The following ADAMTSL3 variants were observed in gnomAD, a reference collection of about 807,000 sequenced individuals.
The protein encoded by ADAMTSL3 is ADAMTS like 3.
ADAMTSL3 carries 128 observed loss-of-function variants against 201.7 expected under a neutral mutation model. The observed-to-expected ratio is 0.63, with a 90% CI of 0.55 to 0.73. ADAMTSL3 has a LOEUF of 0.73. Ranked by LOEUF, ADAMTSL3 falls within the 30% of genes least tolerant of loss-of-function variation. The pLI, the probability that ADAMTSL3 is intolerant of heterozygous loss-of-function variation, is 0.00. For synonymous variants in ADAMTSL3, 738 were observed against 748.4 expected (o/e 0.99, Z 0.23); for missense variants, 1,990 against 2,119.6 (o/e 0.94, Z 1.20).
intron 9 of ADAMTSL3, among the ~76,000 whole-genome samples, chr15:83,871,434 G>A (rs2065079152): frequency 1.3e-5 from 2 of 152,174 alleles, no homozygotes; most frequent in South Asian, 2.1e-4. Context: ...GTATTGTGCC[G>A]CTGCATGTCT....
Position 83,837,671 on chromosome 15 carries a change from A to G in ADAMTSL3, c.601-418A>G, listed in dbSNP as rs1397984551. On this transcript the variant is annotated intron_variant, in intron 6 of 29. Transcript: ENST00000286744. ...GCACAGGCCTGTGACTCAACCTCCC[A>G]GGCTCAAGTGATCCCAGCTACTTGG... Among the ~76,000 whole-genome samples the G allele has an allele frequency of 5.9e-5, 9 of 151,930 alleles. 1 individual carries two copies. In the South Asian group the frequency reaches 1.7e-3, roughly 28 times the overall value.
intron 19 of ADAMTSL3, chr15:83,945,788 G>A (rs1443163498): frequency 6.6e-6 from 1 of 152,216 alleles, no homozygotes; most frequent in East Asian, 1.9e-4. Context: ...TATAAGAAAT[G>A]AGGAATCTCA....
At chr15:83,963,121 G>T (rs990223721) in intron 19 of ADAMTSL3, among the ~76,000 whole-genome samples, 1 of 152,202 alleles carries the variant, frequency 6.6e-6, no homozygotes, top group Non-Finnish European at 1.5e-5. Context: ...CTAGCTGCAG[G>T]AGGTTTTTTT....
At chr15:83,669,025 C>T (rs2061287461) in intron 2 of ADAMTSL3, among the ~76,000 whole-genome samples, 1 of 152,222 alleles carries the variant, frequency 6.6e-6, no homozygotes, top group Non-Finnish European at 1.5e-5. Context: ...AGGGAAACAT[C>T]CTTACCTACT....
intron 3 of ADAMTSL3, among the ~76,000 whole-genome samples, chr15:83,718,077 TA>T (rs1201680022): frequency 2.6e-5 from 4 of 152,164 alleles, no homozygotes; most frequent in Non-Finnish European, 5.9e-5. Flanking sequence ...TAAGTATCTG[TA>T]AAAACTCCTG....
chr15:83,752,092 T>A (rs1300927009), intron 3 of ADAMTSL3, among the ~76,000 whole-genome samples: 3 of 152,192 alleles, frequency 2.0e-5, no homozygotes, highest in Admixed American at 6.5e-5. Context: ...TTAAGTGTTA[T>A]GAAAACAACA....
intron 4 of ADAMTSL3, among the ~76,000 whole-genome samples, chr15:83,778,939 G>GAA (rs2063122978): frequency 6.6e-6 from 1 of 152,062 alleles, no homozygotes; most frequent in Admixed American, 6.5e-5. Flanking sequence ...CAAAAAAATG[G>GAA]AAAACAGAAA....
At chr15:84,024,246 A>G (rs1262729562) in intron 26 of ADAMTSL3, among the ~76,000 whole-genome samples, 1 of 152,084 alleles carries the variant, frequency 6.6e-6, no homozygotes, top group African/African-American at 2.4e-5. Context: ...ACAGAATGAG[A>G]CTCCGTCTCA....
intron 16 of ADAMTSL3, among the ~76,000 whole-genome samples, chr15:83,914,877 T>G (rs2066005381): frequency 6.6e-6 from 1 of 151,864 alleles, no homozygotes; most frequent in Non-Finnish European, 1.5e-5. Context: ...TTGTTTGTTT[T>G]TTGTTTTTTG....
intron 3 of ADAMTSL3, among the ~76,000 whole-genome samples, chr15:83,762,747 T>C (rs2062827761): frequency 6.6e-6 from 1 of 152,188 alleles, no homozygotes; most frequent in Admixed American, 6.5e-5. Context: ...ATTCAGACCA[T>C]AGCAAAAACC....
intron 3 of ADAMTSL3, among the ~76,000 whole-genome samples, chr15:83,749,154 T>C (rs1272595159): frequency 6.6e-6 from 1 of 152,174 alleles, no homozygotes; most frequent in African/African-American, 2.4e-5. Context: ...CTTTGCTGAG[T>C]CACTGAATGT....
At chr15:84,027,033 A>G (rs12905265) in intron 27 of ADAMTSL3, among the ~76,000 whole-genome samples, 1 of 152,136 alleles carries the variant, frequency 6.6e-6, no homozygotes, top group Non-Finnish European at 1.5e-5. Context: ...CAAAAAGGAG[A>G]TTATCTCTAA....
Position 83,988,745 on chromosome 15 carries a change from A to G in ADAMTSL3, c.3771A>G (p.Glu1257=), listed in dbSNP as rs201313962. 1.5e-5 allele frequency: 24 copies of G among 1,607,850 alleles called. No homozygotes were observed. The highest frequency in any genetic ancestry group is 5.7e-5 in the South Asian group (5 of 88,280). The part of the protein sequence containing the change: ...KIQIQNPTRK[E]QGIYECSVAN... ...AGATACAGAATCCTACAAGGAAAGA[A>G]CAAGGCATATATGAATGTTCTGTAG... The change falls in exon 22 of 30, where the codon GAA becomes GAG. Residue 1257 remains glutamate (E), a synonymous_variant. Transcript: ENST00000286744.
At chr15:83,864,457 A>G (rs2064933007) in intron 8 of ADAMTSL3, among the ~76,000 whole-genome samples, 1 of 152,254 alleles carries the variant, frequency 6.6e-6, no homozygotes, top group South Asian at 2.1e-4. Context: ...GGCTGGTTCA[A>G]CATACGCAAA....
At chr15:83,702,465 G>T (rs1014050150) in intron 2 of ADAMTSL3, among the ~76,000 whole-genome samples, 10 of 152,194 alleles carry the variant, frequency 6.6e-5, no homozygotes, top group African/African-American at 2.4e-4. Context: ...AGGCCTGGAG[G>T]CCCAAGAGGA....
chr15:83,875,291 C>T (rs567953743), intron 9 of ADAMTSL3, among the ~76,000 whole-genome samples: 2 of 152,332 alleles, frequency 1.3e-5, no homozygotes, highest in African/African-American at 4.8e-5. Context: ...CAATGTCATT[C>T]ATCATAGGAC....
At chr15:83,874,072 G>C (rs1412132715) in intron 9 of ADAMTSL3, among the ~76,000 whole-genome samples, 1 of 144,716 alleles carries the variant, frequency 6.9e-6, no homozygotes. Context: ...CTCCAGTAAG[G>C]CTGCACCTCG....
intron 6 of ADAMTSL3, among the ~76,000 whole-genome samples, chr15:83,833,649 G>C (rs1339426015): frequency 6.6e-6 from 1 of 152,192 alleles, no homozygotes; most frequent in African/African-American, 2.4e-5. Context: ...ATTGGTACAA[G>C]TGTAGCTGAA....
intron 6 of ADAMTSL3, among the ~76,000 whole-genome samples, chr15:83,822,095 C>A (rs899460667): frequency 3.4e-5 from 5 of 148,440 alleles, no homozygotes; most frequent in African/African-American, 1.2e-4. Flanking sequence ...CACCCCTCAC[C>A]TCCCGGACGG....
Sources: gnomAD v4.1 joint callset for allele counts (sites outside exome capture counted in the v4.1 genomes callset) on GRCh38, gnomAD v4.1.1 for gene constraint, MANE v1.5 for transcripts, NCBI Gene and HGNC (gene_info 2026-07-23, HGNC 2026-07-21) for gene names.